Variants in PEAK1 observed in about 807,000 individuals in gnomAD.
PEAK1 encodes the protein inactive tyrosine-protein kinase PEAK1.
A neutral mutation model predicts 124.7 loss-of-function variants in PEAK1; 54 were observed. The ratio of observed to expected loss-of-function variants is 0.43; its 90% confidence interval spans 0.35 to 0.54. PEAK1 has a LOEUF of 0.54. PEAK1 is among the 20% of genes least tolerant of loss of function. PEAK1 has a pLI of 0.01. For missense variants in PEAK1, 2,046 were observed against 2,134.5 expected, an observed-to-expected ratio of 0.96 and a Z score of 0.82; for synonymous variants, 719 against 760.0, an observed-to-expected ratio of 0.95 and a Z score of 0.89.
At position 77,181,615 on chromosome 15, in the gene PEAK1, C is replaced by T; in HGVS notation, c.312G>A (p.Trp104Ter). Residue 104 changes from tryptophan to a stop codon, truncating the protein, a stop_gained, in exon 7 of 10, where the codon TGG (tryptophan) becomes TGA (stop). Transcript: ENST00000682557. LOFTEE classifies it high-confidence loss of function. ...GACTCAAGGCAGCTCTGTTTCGGTT[C>T]CACCCTATGATGACAGGTTTGTTCT... is the stretch of plus-strand genomic sequence containing the variant. ...HCENKPVIIG[W>*]NRNRAALSQK... 1.2e-6 allele frequency: 2 copies of T among 1,614,114 alleles called. No individual in the cohort carries two copies. Among genetic ancestry groups the T allele is most frequent in the Non-Finnish European group, 1.7e-6 (2 of 1,180,006 alleles).
intron 6 of PEAK1, among the ~76,000 whole-genome samples, chr15:77,190,937 G>T (rs1016456451): frequency 6.6e-6 from 1 of 152,070 alleles, no homozygotes; most frequent in Non-Finnish European, 1.5e-5. Flanking sequence ...GTTTTGCAGG[G>T]TTTTTTTGTA....
In PEAK1 at chr15:77,418,310, C is replaced by T. The variant is rs77790350; in HGVS notation, c.-666+1696G>A. 1,473 of 985,326 alleles carry T rather than the reference C, an allele frequency of 1.5e-3. 8 individuals are homozygous for T. In the African/African-American group the frequency reaches 0.018, roughly 12 times the overall value. 61.0% of individuals were successfully genotyped at this position (985,326 alleles called of 1,614,324 possible). A position where few individuals can be genotyped will look rare whatever the true frequency, so the allele number is the denominator to read the frequency against. ...GGGGGTAGTGAGGGAAAAGAAGGAA[C>T]ATACATTAAAAAGCCTTAAAGAAAA... On this transcript the variant is annotated intron_variant, in intron 1 of 9. Coordinates refer to ENST00000682557, the MANE Select transcript of PEAK1 (RefSeq NM_001385026.1).
chr15:77,217,067 C>CA (rs2059179774), intron 6 of PEAK1, among the ~76,000 whole-genome samples: 1 of 150,848 alleles, frequency 6.6e-6, no homozygotes, highest in African/African-American at 2.4e-5. Flanking sequence ...CCTGCCTATA[C>CA]AAAAAAGAAA....
At chr15:77,278,608 C>G (rs560578815) in intron 5 of PEAK1, 2 of 509,070 alleles carry the variant, frequency 3.9e-6, no homozygotes. Flanking sequence ...CTGCAAAGAA[C>G]GGAGAGAAGG....
intron 2 of PEAK1, chr15:77,352,465 T>C (rs2067266117): frequency 1.0e-6 from 1 of 985,148 alleles, no homozygotes; most frequent in African/African-American, 1.8e-5. Context: ...GGGACAGCTG[T>C]TGAGAGGAAA....
chr15:77,265,972 T>C (rs1347265390), intron 5 of PEAK1, among the ~76,000 whole-genome samples: 1 of 152,096 alleles, frequency 6.6e-6, no homozygotes, highest in Non-Finnish European at 1.5e-5. Context: ...TGGATGAAAT[T>C]GGAAATCATC....
chr15:77,412,428 C>G (rs867551615), intron 1 of PEAK1, among the ~76,000 whole-genome samples: 14 of 152,208 alleles, frequency 9.2e-5, no homozygotes, highest in African/African-American at 2.9e-4. Flanking sequence ...CTCTATCCTT[C>G]CAGTTGCTCA....
Position 77,163,840 on chromosome 15 carries a change from A to C in PEAK1, c.3138-5144T>G, listed in dbSNP as rs111364351. The stretch of plus-strand genomic sequence containing the variant: ...CTCTAGTTGCCCACGACAGCCAATA[A>C]GCAAATGTGTGACTTTTAAAACCTC... On this transcript the variant is annotated intron_variant, in intron 7 of 9. Transcript: ENST00000682557. Among the ~76,000 whole-genome samples, 500 of 152,312 alleles carry C rather than the reference A, an allele frequency of 3.3e-3. 5 individuals are homozygous for C. Among genetic ancestry groups the C allele is most frequent in the African/African-American group, 0.012 (482 of 41,568 alleles).
At chr15:77,417,444 T>TGGGTGTGGGTGGGGGGGGGGGGGG in intron 1 of PEAK1, 1 of 242,272 alleles carries the variant, frequency 4.1e-6, no homozygotes, top group Non-Finnish European at 4.6e-6. Context: ...GAGAGTGGGG[T>TGGGTGTGGGTGGGGGGGGGGGGGG]GGGGGGATGC....
intron 6 of PEAK1, among the ~76,000 whole-genome samples, chr15:77,237,024 T>A (rs1341287614): frequency 6.6e-6 from 1 of 152,332 alleles, no homozygotes; most frequent in East Asian, 1.9e-4. Flanking sequence ...CTTTCCTTTA[T>A]AAATTACTCA....
chr15:77,153,039 G>A (rs1373231417), intron 8 of PEAK1, among the ~76,000 whole-genome samples: 4 of 152,048 alleles, frequency 2.6e-5, no homozygotes, highest in Non-Finnish European at 5.9e-5. Flanking sequence ...TTTTTCTATT[G>A]ATTGGAATAG....
chr15:77,418,653 T>C (rs1338313866), intron 1 of PEAK1: 1 of 985,326 alleles, frequency 1.0e-6, no homozygotes, highest in Non-Finnish European at 1.2e-6. Flanking sequence ...GTCAGTGAAT[T>C]GAGCTATCTA....
At chr15:77,203,473 C>G (rs1196922024) in intron 6 of PEAK1, among the ~76,000 whole-genome samples, 3 of 152,042 alleles carry the variant, frequency 2.0e-5, no homozygotes, top group African/African-American at 7.2e-5. Context: ...AGAATAAACA[C>G]AATTTTGATG....
At chr15:77,115,360 AC>A (rs1223326689) in intron 9 of PEAK1, 41 bp from the exon 10 acceptor site, 8 of 1,552,502 alleles carry the variant, frequency 5.2e-6, no homozygotes, top group Non-Finnish European at 7.0e-6. Flanking sequence ...CACTCTCATA[AC>A]CAGGTTTATG....
intron 4 of PEAK1, among the ~76,000 whole-genome samples, chr15:77,284,321 T>C (rs1364574711): frequency 6.6e-6 from 1 of 152,224 alleles, no homozygotes; most frequent in African/African-American, 2.4e-5. Flanking sequence ...TTCTTAGCTA[T>C]TCACATGTGA....
intron 2 of PEAK1, among the ~76,000 whole-genome samples, chr15:77,321,490 C>A (rs2065214983): frequency 6.6e-6 from 1 of 152,184 alleles, no homozygotes; most frequent in East Asian, 1.9e-4. Flanking sequence ...ATCCTTTGCC[C>A]ACTTTTTGAT....
chr15:77,227,090 G>A (rs528590520), intron 6 of PEAK1, among the ~76,000 whole-genome samples: 43 of 152,302 alleles, frequency 2.8e-4, no homozygotes, highest in Admixed American at 1.0e-3. Context: ...AAGCCAGCAG[G>A]TCTGAGAGGG....
intron 7 of PEAK1, among the ~76,000 whole-genome samples, chr15:77,176,984 T>C (rs1227634626): frequency 6.6e-6 from 1 of 151,908 alleles, no homozygotes; most frequent in Admixed American, 6.6e-5. Flanking sequence ...TGAGATGGAG[T>C]TTCACTCTTT....
At chr15:77,237,684 T>C (rs1429204652) in intron 6 of PEAK1, among the ~76,000 whole-genome samples, 2 of 152,136 alleles carry the variant, frequency 1.3e-5, no homozygotes, top group Non-Finnish European at 2.9e-5. Context: ...TGTGCTAAAA[T>C]CTCCCACTAT....
Sources: allele counts gnomAD v4.1 joint callset (sites outside exome capture counted in the v4.1 genomes callset), GRCh38; gene constraint gnomAD v4.1.1; transcripts MANE v1.5; gene names NCBI Gene and HGNC (gene_info 2026-07-23, HGNC 2026-07-21).